The following RBM26 variants were observed in gnomAD, a reference collection of about 807,000 sequenced individuals.
The protein encoded by RBM26 is RNA binding motif protein 26.
In RBM26, 30 loss-of-function variants were observed where a neutral mutation model predicts 123.6. The ratio of observed to expected loss-of-function variants is 0.24; its 90% confidence interval spans 0.18 to 0.33. RBM26 has a LOEUF of 0.33. RBM26 is among the 10% of genes least tolerant of loss of function. The probability of loss-of-function intolerance (pLI) is 1.00; values close to 1 mark genes in which losing one functional copy is unlikely to be tolerated. For missense variants in RBM26, 947 were observed against 1,203.6 expected (o/e 0.79, Z 3.15); for synonymous variants, 400 against 404.4 (o/e 0.99, Z 0.13).
chr13:79,317,720 T>C (rs912834425), downstream of RBM26, among the ~76,000 whole-genome samples: 5 of 151,726 alleles, frequency 3.3e-5, no homozygotes, highest in Non-Finnish European at 5.9e-5. Flanking sequence ...AGCCTACATA[T>C]GTGTATACCT....
intron 6 of RBM26, among the ~76,000 whole-genome samples, chr13:79,367,649 T>G (rs1335061559): frequency 6.6e-6 from 1 of 151,950 alleles, no homozygotes; most frequent in Non-Finnish European, 1.5e-5. Context: ...CCCTTTTAGT[T>G]GCTCTCCCTT....
intron 3 of RBM26, among the ~76,000 whole-genome samples, chr13:79,373,342 A>T (rs1437647008): frequency 9.4e-6 from 1 of 105,956 alleles, no homozygotes. Context: ...AATATATATT[A>T]TATATAAATA....
At chr13:79,405,628 G>C (rs1375560572) in intron 1 of RBM26, 76 bp downstream of exon 1, 2 of 1,042,464 alleles carry the variant, frequency 1.9e-6, no homozygotes, top group African/African-American at 1.6e-5. Flanking sequence ...CAGGCACTTG[G>C]GGAAACTGCA....
chr13:79,352,069 A>G (rs2073319461), intron 14 of RBM26, among the ~76,000 whole-genome samples: 2 of 152,332 alleles, frequency 1.3e-5, no homozygotes, highest in Admixed American at 1.3e-4. Context: ...CATTTTAGGC[A>G]CATTATGCCC....
intron 11 of RBM26, among the ~76,000 whole-genome samples, chr13:79,355,774 T>TA (rs1241340318): frequency 2.6e-5 from 4 of 152,106 alleles, no homozygotes; most frequent in Admixed American, 2.0e-4. Context: ...TTATCTCTAA[T>TA]AAAAAATTAC....
intron 11 of RBM26, 31 bp downstream of exon 11, chr13:79,358,243 A>G (rs777670840): frequency 6.5e-7 from 1 of 1,532,846 alleles, no homozygotes; most frequent in African/African-American, 1.4e-5. Context: ...AACAGAAAGA[A>G]GAGATAACAA....
rs375618341 is a variant in RBM26, at chr13:79,366,096, T to C, written c.1235A>G (p.His412Arg). The change falls in exon 8 of 22, where the codon CAT (histidine) becomes CGT (arginine). Residue 412 changes from histidine to arginine, a missense_variant. Physicochemically the swap from His to Arg is conservative, Grantham distance 29 (BLOSUM62 0). Transcript: ENST00000438737. ...GGGTGGAGCAGGAGGAGGCTGGTGA[T>C]GAATGCCAGTTGTTACTACAGTAGG... ...SVPTVVTTGI[H>R]HQPPPAPPSL... The C allele has an allele frequency of 6.2e-6, 10 of 1,613,942 alleles. No individual in the cohort carries two copies. Among genetic ancestry groups the C allele is most frequent in the Non-Finnish European group, 6.8e-6 (8 of 1,179,958 alleles).
chr13:79,382,763 C>G (rs1452600569), intron 1 of RBM26, among the ~76,000 whole-genome samples: 2 of 152,116 alleles, frequency 1.3e-5, no homozygotes, highest in Non-Finnish European at 2.9e-5. Context: ...AAACTGAGAA[C>G]TAGACAGGAA....
intron 1 of RBM26, among the ~76,000 whole-genome samples, chr13:79,403,406 C>CT (rs1393709541): frequency 6.6e-6 from 1 of 152,010 alleles, no homozygotes; most frequent in African/African-American, 2.4e-5. Flanking sequence ...TTCATTAAGA[C>CT]TAAAGAAAAA....
rs757161618 is a variant in RBM26, at chr13:79,378,720, G to C, written c.190+69C>G. The stretch of plus-strand genomic sequence containing the variant: ...CTCCCAAAGTGCTAGGATTACAGGC[G>C]TGAGCCACCATGCCAAGCCTTAAAT... On this transcript the variant is annotated intron_variant, in intron 2 of 21. Transcript: ENST00000438737. 4 of 947,956 alleles carry C rather than the reference G, an allele frequency of 4.2e-6. No individual in the cohort carries two copies. In the Admixed American group the frequency reaches 9.1e-5, roughly 21 times the overall value. 58.7% of individuals were successfully genotyped at this position (947,956 alleles called of 1,614,324 possible).
At chr13:79,317,656 CATTT>C (rs757883807), downstream of RBM26, among the ~76,000 whole-genome samples, 2 of 151,700 alleles carry the variant, frequency 1.3e-5, no homozygotes, top group Non-Finnish European at 3.0e-5. Flanking sequence ...AAACAGACAA[CATTT>C]ATTAGTCCAA....
rs763494015 is a variant in RBM26 at position 79,337,182 on chromosome 13, C to T, written c.2653G>A (p.Val885Met). The T allele has an allele frequency of 6.2e-7, 1 of 1,614,156 alleles. No homozygotes were observed. Among genetic ancestry groups the T allele is most frequent in the Admixed American group, 1.7e-5 (1 of 60,014 alleles). Residue 885 changes from valine (V) to methionine (M), a missense_variant, in exon 19 of 22, where the codon GTG becomes ATG. Physicochemically the swap from Val to Met is conservative, Grantham distance 21. This residue lies in a region of RBM26 where 164 missense variants were observed against 215.3 expected (regional missense o/e 0.76). Coordinates refer to ENST00000438737, the MANE Select transcript of RBM26 (RefSeq NM_001366735.2). Reference sequence around the variant, plus strand: ...AATGCCCTGGGACGGTGATCCACCACAGCATGACCAGGCACACCTCGCCCT... The same window carrying T: ...AATGCCCTGGGACGGTGATCCACCATAGCATGACCAGGCACACCTCGCCCT... The part of the protein sequence containing the change: ...GRGRGVPGHA[V>M]VDHRPRALEI...
chr13:79,361,184 A>G (rs1385432523), intron 9 of RBM26, among the ~76,000 whole-genome samples: 1 of 152,084 alleles, frequency 6.6e-6, no homozygotes, highest in African/African-American at 2.4e-5. Context: ...TAATGAAACT[A>G]CCATTTTCCC....
chr13:79,333,616 T>C (rs1390204838), intron 20 of RBM26, among the ~76,000 whole-genome samples: 7 of 152,208 alleles, frequency 4.6e-5, no homozygotes, highest in Non-Finnish European at 7.4e-5. Flanking sequence ...ACAGTGACAC[T>C]GTCTTCTCTA....
At chr13:79,344,606 CA>C in intron 15 of RBM26, 62 bp downstream of exon 15, 1 of 1,439,328 alleles carries the variant, frequency 6.9e-7, no homozygotes, top group Admixed American at 1.9e-5. Context: ...ACTGAAAAAA[CA>C]CATACACAAG....
At chr13:79,382,304 T>C (rs1002826443) in intron 1 of RBM26, among the ~76,000 whole-genome samples, 4 of 150,354 alleles carry the variant, frequency 2.7e-5, no homozygotes, top group African/African-American at 9.6e-5. Context: ...CCACTGCTGA[T>C]AAAAGGTTTG....
chr13:79,328,111 A>G (rs2068716913), intron 20 of RBM26, among the ~76,000 whole-genome samples: 1 of 152,144 alleles, frequency 6.6e-6, no homozygotes, highest in Non-Finnish European at 1.5e-5. Flanking sequence ...CCCATAACTT[A>G]GTCTATCTTT....
chr13:79,353,099 C>T (rs1463257360), intron 14 of RBM26, 54 bp downstream of exon 14: 3 of 1,026,878 alleles, frequency 2.9e-6, no homozygotes, highest in African/African-American at 1.6e-5. Context: ...AATTAAGATG[C>T]CACCTGAAAA....
chr13:79,379,892 T>G (rs368945684), intron 1 of RBM26, among the ~76,000 whole-genome samples: 2 of 152,026 alleles, frequency 1.3e-5, no homozygotes, highest in African/African-American at 4.8e-5. Flanking sequence ...TGAGTAAAAA[T>G]TCAACCTCAC....
Sources: allele counts gnomAD v4.1 joint callset (sites outside exome capture counted in the v4.1 genomes callset), GRCh38; gene constraint gnomAD v4.1.1; regional missense constraint gnomAD v4.1.1; transcripts MANE v1.5; gene names NCBI Gene and HGNC (gene_info 2026-07-23, HGNC 2026-07-21).